Variants in SIL1 observed in about 807,000 individuals in gnomAD.
The protein encoded by SIL1 is nucleotide exchange factor SIL1.
A neutral mutation model predicts 49.1 loss-of-function variants in SIL1; 40 were observed. That is an observed-to-expected ratio of 0.81 (90% confidence interval 0.63 to 1.06). The LOEUF is 1.06. SIL1 is among the 50% of genes least tolerant of loss of function. The pLI is 0.00. For missense variants in SIL1, 500 were observed against 572.6 expected (o/e 0.87, Z 1.29); for synonymous variants, 253 against 250.8 (o/e 1.01, Z -0.08).
intron 2 of SIL1, 64 bp downstream of exon 2, chr5:139,127,675 G>T: frequency 7.6e-7 from 1 of 1,315,208 alleles, no homozygotes; most frequent in Non-Finnish European, 1.1e-6. Context: ...AACAGCCCTG[G>T]TGACAGGGAG....
Position 139,066,294 on chromosome 5 carries a change from C to T in SIL1, c.245-15248G>A, listed in dbSNP as rs555112607. Among the ~76,000 whole-genome samples the T allele has an allele frequency of 9.0e-4, 137 of 152,292 alleles. 2 individuals carry two copies. Among genetic ancestry groups the T allele is most frequent in the East Asian group, 1.2e-3 (6 of 5,182 alleles). ...ACAGCTACCCCACGCTCTGGCTAAA[C>T]TCCCCCTATGCTTTTCTTAGTCCTT... On this transcript the variant is annotated intron_variant, in intron 3 of 9. Coordinates refer to ENST00000394817, the MANE Select transcript of SIL1 (RefSeq NM_022464.5).
intron 2 of SIL1, among the ~76,000 whole-genome samples, chr5:139,122,812 T>A (rs184618629): frequency 6.6e-6 from 1 of 152,248 alleles, no homozygotes; most frequent in African/African-American, 2.4e-5. Context: ...AAGGAAAATA[T>A]CTTGGCAAGA....
At chr5:138,954,935 G>A (rs1396897082) in intron 7 of SIL1, among the ~76,000 whole-genome samples, 1 of 152,204 alleles carries the variant, frequency 6.6e-6, no homozygotes, top group East Asian at 1.9e-4. Context: ...CCAATGCACT[G>A]TGGCCAAAAG....
chr5:139,056,912 G>A (rs1769459327), intron 3 of SIL1, among the ~76,000 whole-genome samples: 1 of 152,040 alleles, frequency 6.6e-6, no homozygotes, highest in Non-Finnish European at 1.5e-5. Flanking sequence ...GAAATCGGAT[G>A]GTTGCCGTGT....
At chr5:139,049,468 C>T (rs569412853) in intron 4 of SIL1, among the ~76,000 whole-genome samples, 5 of 152,102 alleles carry the variant, frequency 3.3e-5, no homozygotes, top group African/African-American at 9.7e-5. Flanking sequence ...TGAGCCACCA[C>T]GCCCGACCTG....
rs185485555 is a variant in SIL1, at chr5:139,093,013, T to C, written c.244+28022A>G. ...TATTAAAAAAGCAAGTCCAGCTGGG[T>C]GCAGTGGTGTGCCCCTATAGTCCTA... is the stretch of plus-strand genomic sequence containing the variant. On this transcript the variant is annotated intron_variant, in intron 3 of 9. Transcript: ENST00000394817. Among the ~76,000 whole-genome samples, 3 of 152,244 alleles carry C rather than the reference T, an allele frequency of 2.0e-5. No individual in the cohort carries two copies. The East Asian group carries it at 5.8e-4, about 29-fold the overall frequency.
intron 1 of SIL1, among the ~76,000 whole-genome samples, chr5:139,170,260 C>G (rs914077698): frequency 3.3e-5 from 5 of 152,130 alleles, no homozygotes; most frequent in Admixed American, 6.5e-5. Context: ...CCCAAAGTGC[C>G]GAGATTGCAG....
At position 139,115,941 on chromosome 5, in the gene SIL1, T is replaced by G. The variant is rs115668490; in HGVS notation, c.244+5094A>C. 6.7e-3 allele frequency among the ~76,000 whole-genome samples: 1,018 copies of G among 152,328 alleles called. 8 individuals carry two copies. The highest frequency in any genetic ancestry group is 0.015 in the Admixed American group (226 of 15,306). ...ACTTAGCCCTTTAACTTGAGGGATC[T>G]GAGACTAATTCCACATAGACATTGG... On this transcript the variant is annotated intron_variant, in intron 3 of 9. Coordinates refer to ENST00000394817, the MANE Select transcript of SIL1 (RefSeq NM_022464.5).
chr5:138,971,171 G>A (rs1468738466), intron 7 of SIL1, among the ~76,000 whole-genome samples: 2 of 152,086 alleles, frequency 1.3e-5, no homozygotes, highest in African/African-American at 4.8e-5. Flanking sequence ...TGTGTTGAGA[G>A]ACCAAAAACA....
At chr5:139,096,900 C>T (rs1417785860) in intron 3 of SIL1, among the ~76,000 whole-genome samples, 1 of 151,986 alleles carries the variant, frequency 6.6e-6, no homozygotes, top group African/African-American at 2.4e-5. Flanking sequence ...GTCCCAGATT[C>T]CAGGATCTGA....
At chr5:139,087,735 G>C (rs1197716496) in intron 3 of SIL1, among the ~76,000 whole-genome samples, 1 of 152,106 alleles carries the variant, frequency 6.6e-6, no homozygotes, top group Non-Finnish European at 1.5e-5. Flanking sequence ...TCAAAAGTAG[G>C]GGAAGGCCAC....
chr5:139,191,755 T>C (rs1752175877), intron 1 of SIL1, among the ~76,000 whole-genome samples: 1 of 152,038 alleles, frequency 6.6e-6, no homozygotes, highest in Non-Finnish European at 1.5e-5. Context: ...CACACCACTA[T>C]ACTCCAGCGT....
chr5:138,964,071 G>T (rs1580987804), intron 7 of SIL1, among the ~76,000 whole-genome samples: 1 of 152,376 alleles, frequency 6.6e-6, no homozygotes, highest in East Asian at 1.9e-4. Context: ...GAACCTAAAG[G>T]AAAGTGGAGA....
At chr5:139,082,056 C>T (rs977211559) in intron 3 of SIL1, among the ~76,000 whole-genome samples, 1 of 152,146 alleles carries the variant, frequency 6.6e-6, no homozygotes. Context: ...TGGTACTGGG[C>T]ATCAGAATAG....
At chr5:139,113,883 A>C (rs1770930902) in intron 3 of SIL1, among the ~76,000 whole-genome samples, 1 of 152,208 alleles carries the variant, frequency 6.6e-6, no homozygotes, top group Non-Finnish European at 1.5e-5. Flanking sequence ...TAAGTTTTCC[A>C]TCTCAGACAT....
At chr5:139,075,448 T>C (rs1428438427) in intron 3 of SIL1, among the ~76,000 whole-genome samples, 1 of 151,946 alleles carries the variant, frequency 6.6e-6, no homozygotes, top group Non-Finnish European at 1.5e-5. Context: ...CTGAGATGCA[T>C]GAAAATGATA....
At chr5:138,950,863 G>A (rs186264917) in intron 9 of SIL1, among the ~76,000 whole-genome samples, 2 of 152,132 alleles carry the variant, frequency 1.3e-5, no homozygotes, top group African/African-American at 4.8e-5. Flanking sequence ...GTCCCCTCGG[G>A]GCCTGGTCTC....
intron 1 of SIL1, among the ~76,000 whole-genome samples, chr5:139,169,580 T>C (rs1043030485): frequency 2.0e-5 from 3 of 151,556 alleles, no homozygotes; most frequent in Non-Finnish European, 2.9e-5. Context: ...CTCCTGGGTT[T>C]AAGCGATTCT....
chr5:139,075,427 T>C (rs1373350801), intron 3 of SIL1, among the ~76,000 whole-genome samples: 1 of 152,190 alleles, frequency 6.6e-6, no homozygotes, highest in African/African-American at 2.4e-5. Context: ...TTTCTGAGTA[T>C]GTAGCAACCA....
Sources: allele counts gnomAD v4.1 joint callset (sites outside exome capture counted in the v4.1 genomes callset), GRCh38; gene constraint gnomAD v4.1.1; transcripts MANE v1.5; gene names NCBI Gene and HGNC (gene_info 2026-07-23, HGNC 2026-07-21).